HNRNPD: variants seen among roughly 807,000 people sequenced by gnomAD.
HNRNPD encodes the protein heterogeneous nuclear ribonucleoprotein D0.
In HNRNPD, 3 loss-of-function variants were observed where a neutral mutation model predicts 47.9. The observed-to-expected ratio is 0.06, with a 90% CI of 0.03 to 0.16. The LOEUF (loss-of-function observed/expected upper bound fraction) is 0.16, where lower values mean the gene tolerates loss of function less well. HNRNPD is among the 10% of genes least tolerant of loss of function. HNRNPD has a pLI of 1.00. For synonymous variants in HNRNPD, 171 were observed against 165.1 expected, an observed-to-expected ratio of 1.04 and a Z score of -0.28; for missense variants, 287 against 454.2, an observed-to-expected ratio of 0.63 and a Z score of 3.35.
chr4:82,372,960 A>C (rs920057817), intron 1 of HNRNPD, among the ~76,000 whole-genome samples: 2 of 152,232 alleles, frequency 1.3e-5, no homozygotes, highest in African/African-American at 4.8e-5. Context: ...CGTTCCCCAA[A>C]ACATGTGCTT....
rs533588386 is a variant in HNRNPD at position 82,366,282 on chromosome 4, C to T, written c.290+5246G>A. 4.6e-5 allele frequency among the ~76,000 whole-genome samples: 7 copies of T among 152,170 alleles called. No homozygotes were observed. The East Asian group carries it at 1.4e-3, about 30-fold the overall frequency. On this transcript the variant is annotated intron_variant, in intron 2 of 8. Transcript: ENST00000313899. ...GGAGGGGGACAGAGTCTCGCTTTGTCGCCCAGGCTGGAGTGCGGTGGCGCG... is the reference window on the plus strand; with the variant it reads ...GGAGGGGGACAGAGTCTCGCTTTGTTGCCCAGGCTGGAGTGCGGTGGCGCG...
chr4:82,364,729 T>C (rs1435523787), intron 2 of HNRNPD, among the ~76,000 whole-genome samples: 1 of 152,240 alleles, frequency 6.6e-6, no homozygotes, highest in African/African-American at 2.4e-5. Context: ...CAAAATCACC[T>C]TGATGACTTG....
In HNRNPD at chr4:82,356,659, C is replaced by G; in HGVS notation, c.878G>C (p.Gly293Ala). The part of the protein sequence containing the change: ...GGGPSQNWNQ[G>A]YSNYWNQGYG... ...GCCTTGATTCCAATAGTTACTATATCCCTGGTTCCAGTTTTGACTGGGGCC... is the reference window on the plus strand; with the variant it reads ...GCCTTGATTCCAATAGTTACTATATGCCTGGTTCCAGTTTTGACTGGGGCC... Residue 293 changes from glycine (G) to alanine (A), a missense_variant, in exon 7 of 9, where the codon GGA (glycine) becomes GCA (alanine). Physicochemically the swap from Gly to Ala is moderately conservative, Grantham distance 60. Transcript: ENST00000313899. The G allele has an allele frequency of 6.2e-7, 1 of 1,613,170 alleles. No homozygotes were observed. The highest frequency in any genetic ancestry group is 1.1e-5 in the South Asian group (1 of 91,034).
chr4:82,372,689 T>A (rs538859314), intron 1 of HNRNPD, among the ~76,000 whole-genome samples: 115 of 152,144 alleles, frequency 7.6e-4, no homozygotes, highest in African/African-American at 2.6e-3. Flanking sequence ...TAGGAACAGC[T>A]CCAGTCAAGT....
rs1266688375 is a variant in HNRNPD at position 82,354,433 on chromosome 4, AT to A, written c.*31-280del. 6 of 152,670 alleles carry A rather than the reference AT, an allele frequency of 3.9e-5. No homozygotes were observed. The East Asian group carries it at 9.6e-4, about 24-fold the overall frequency. The allele number at this position is 152,670 out of a possible 1,614,324, so 9.5% of individuals were successfully genotyped here. A position where few individuals can be genotyped will look rare whatever the true frequency, so the allele number is the denominator to read the frequency against. Reference sequence around the variant, plus strand: ...ACCCAAAGAACTCATAAAAAGGTCAATTTGGTAAAAGGACATTTTGACCCAA... The same window carrying A: ...ACCCAAAGAACTCATAAAAAGGTCAATTGGTAAAAGGACATTTTGACCCAA... On this transcript the variant is annotated intron_variant, in intron 8 of 8. Coordinates refer to ENST00000313899, the MANE Select transcript of HNRNPD (RefSeq NM_031370.3).
At position 82,352,505 on chromosome 4, in the gene HNRNPD, AAAAT is replaced by A. The variant is rs1177970211; in HGVS notation, c.*1676_*1679del. 3 of 152,196 alleles carry A rather than the reference AAAAT, an allele frequency of 2.0e-5. No individual in the cohort carries two copies. The highest frequency in any genetic ancestry group is 7.2e-5 in the African/African-American group (3 of 41,452). 9.4% of individuals were successfully genotyped at this position (152,196 alleles called of 1,614,324 possible). On this transcript the variant is annotated 3_prime_UTR_variant, in exon 9 of 9. Transcript: ENST00000313899. ...CGACAGAGGGAGACCCTGTCTCTTA[AAAAT>A]AATTTTTTATTGAGAGATTTACATA...
intron 2 of HNRNPD, among the ~76,000 whole-genome samples, chr4:82,363,196 C>G (rs1719577034): frequency 1.3e-5 from 2 of 152,090 alleles, no homozygotes; most frequent in Admixed American, 6.6e-5. Context: ...CCTGCCTCAG[C>G]CTCCTGAGTA....
At chr4:82,366,296 T>C (rs1578053968) in intron 2 of HNRNPD, among the ~76,000 whole-genome samples, 1 of 152,068 alleles carries the variant, frequency 6.6e-6, no homozygotes, top group Non-Finnish European at 1.5e-5. Context: ...CAGGCTGGAG[T>C]GCGGTGGCGC....
intron 1 of HNRNPD, 117 bp downstream of exon 1, chr4:82,373,329 G>A (rs1436350922): frequency 3.7e-6 from 5 of 1,353,842 alleles, no homozygotes; most frequent in African/African-American, 1.5e-5. Context: ...AGTGCAAGGA[G>A]GCTGCATGGG....
At chr4:82,365,104 T>C (rs754606767) in intron 2 of HNRNPD, among the ~76,000 whole-genome samples, 2 of 152,158 alleles carry the variant, frequency 1.3e-5, no homozygotes, top group African/African-American at 2.4e-5. Context: ...TTACCCAGGC[T>C]AGTCACAGAA....
intron 2 of HNRNPD, among the ~76,000 whole-genome samples, chr4:82,369,129 C>G (rs13107849): frequency 0.17 from 25,639 of 152,188 alleles, 2,592 homozygotes; most frequent in Non-Finnish European, 0.23. Context: ...TTTAAAAACT[C>G]TGCCCTCAGA....
At chr4:82,365,716 C>T (rs1413532441) in intron 2 of HNRNPD, among the ~76,000 whole-genome samples, 1 of 151,808 alleles carries the variant, frequency 6.6e-6, no homozygotes, top group Non-Finnish European at 1.5e-5. Context: ...GCAATCTTCC[C>T]ATCTCAAGCT....
intron 3 of HNRNPD, 73 bp from the exon 4 acceptor site, chr4:82,358,893 AAAT>A: frequency 2.8e-6 from 3 of 1,057,398 alleles, no homozygotes; most frequent in Non-Finnish European, 2.7e-6. Flanking sequence ...ACTTACTTAA[AAAT>A]AACTATAAAT....
chr4:82,355,474 A>T, intron 7 of HNRNPD, 73 bp from the exon 8 acceptor site: 1 of 1,054,852 alleles, frequency 9.5e-7, no homozygotes, highest in African/African-American at 1.6e-5. Context: ...ACCTAATTTT[A>T]AACAATCTCA....
chr4:82,363,636 T>A (rs1194115381), intron 2 of HNRNPD, among the ~76,000 whole-genome samples: 1 of 152,186 alleles, frequency 6.6e-6, no homozygotes, highest in Middle Eastern at 3.2e-3. Context: ...TCTAAGTGAA[T>A]CAATCCCAAT....
intron 7 of HNRNPD, chr4:82,355,735 T>G (rs552983800): frequency 9.8e-6 from 3 of 306,948 alleles, no homozygotes; most frequent in Non-Finnish European, 1.8e-5. Flanking sequence ...TTAGAACAAA[T>G]TGTCAACCAC....
At chr4:82,355,657 A>G (rs976052468) in intron 7 of HNRNPD, 1 of 471,434 alleles carries the variant, frequency 2.1e-6, no homozygotes, top group East Asian at 3.5e-5. Flanking sequence ...TTACAGTTTA[A>G]AAGTTTTAAG....
chr4:82,369,890 T>C (rs1190473603), intron 2 of HNRNPD, among the ~76,000 whole-genome samples: 1 of 152,172 alleles, frequency 6.6e-6, no homozygotes, highest in Admixed American at 6.5e-5. Flanking sequence ...CGCCTGTGAT[T>C]ACAGCACTTG....
intron 2 of HNRNPD, among the ~76,000 whole-genome samples, chr4:82,361,817 T>G (rs1474198692): frequency 6.6e-6 from 1 of 152,202 alleles, no homozygotes; most frequent in Non-Finnish European, 1.5e-5. Context: ...CCCAGCAAAG[T>G]GCTCTCCAAA....
Sources: gnomAD v4.1 joint callset for allele counts (sites outside exome capture counted in the v4.1 genomes callset) on GRCh38, gnomAD v4.1.1 for gene constraint, MANE v1.5 for transcripts, NCBI Gene and HGNC (gene_info 2026-07-23, HGNC 2026-07-21) for gene names.